BTBD9: variants seen among roughly 807,000 people sequenced by gnomAD.
BTBD9 encodes the protein BTB domain containing 9, also known as BTB/POZ domain-containing protein 9.
Under a neutral mutation model 64.3 loss-of-function variants are expected in BTBD9, and 49 were observed. The observed-to-expected ratio is 0.76, with a 90% CI of 0.61 to 0.97. The LOEUF (loss-of-function observed/expected upper bound fraction) is 0.97. Among genes scored for constraint, BTBD9 ranks in the 50% least tolerant of loss-of-function variants. BTBD9 has a pLI of 0.00. For missense variants in BTBD9, 598 were observed against 762.1 expected (o/e 0.78, Z 2.53); for synonymous variants, 260 against 274.7 (o/e 0.95, Z 0.53).
At chr6:38,504,026 C>T (rs919726099) in intron 6 of BTBD9, among the ~76,000 whole-genome samples, 2 of 152,180 alleles carry the variant, frequency 1.3e-5, no homozygotes, top group Non-Finnish European at 2.9e-5. Flanking sequence ...GTCTCACAAC[C>T]CCTTTCTGCC....
At chr6:38,415,042 T>TC (rs1372346777) in intron 6 of BTBD9, among the ~76,000 whole-genome samples, 1 of 152,168 alleles carries the variant, frequency 6.6e-6, no homozygotes, top group Non-Finnish European at 1.5e-5. Context: ...ATCTCAATGT[T>TC]CCCACTCTAA....
At chr6:38,446,390 C>T (rs1769279648) in intron 6 of BTBD9, among the ~76,000 whole-genome samples, 1 of 151,804 alleles carries the variant, frequency 6.6e-6, no homozygotes, top group South Asian at 2.1e-4. Context: ...AGAGAGGGGT[C>T]CCGGAGAAAT....
chr6:38,500,734 G>A (rs984539227), intron 6 of BTBD9, among the ~76,000 whole-genome samples: 5 of 152,112 alleles, frequency 3.3e-5, no homozygotes, highest in Non-Finnish European at 5.9e-5. Context: ...TATGATACCT[G>A]GCCATCTTAA....
intron 6 of BTBD9, among the ~76,000 whole-genome samples, chr6:38,468,857 AG>A (rs1184289957): frequency 1.3e-5 from 2 of 152,158 alleles, no homozygotes; most frequent in African/African-American, 4.8e-5. Context: ...CCCTCCTCAA[AG>A]GTTGCTTTAC....
chr6:38,327,847 G>C (rs912256912), intron 7 of BTBD9, among the ~76,000 whole-genome samples: 1 of 152,082 alleles, frequency 6.6e-6, no homozygotes, highest in African/African-American at 2.4e-5. Context: ...TCAACTCTTG[G>C]TTTATTCAGT....
At chr6:38,413,862 C>G (rs1250788194) in intron 6 of BTBD9, among the ~76,000 whole-genome samples, 1 of 152,000 alleles carries the variant, frequency 6.6e-6, no homozygotes, top group Non-Finnish European at 1.5e-5. Flanking sequence ...GTTTCCCAAC[C>G]ATAAAATGAG....
intron 8 of BTBD9, among the ~76,000 whole-genome samples, chr6:38,273,567 C>T (rs1317049661): frequency 1.3e-5 from 2 of 152,082 alleles, no homozygotes; most frequent in East Asian, 1.9e-4. Context: ...TAATATCATG[C>T]ACCACAGTTG....
At chr6:38,362,728 G>A (rs1765012770) in intron 6 of BTBD9, among the ~76,000 whole-genome samples, 1 of 152,294 alleles carries the variant, frequency 6.6e-6, no homozygotes, top group East Asian at 1.9e-4. Context: ...AGGATTTGAT[G>A]AGTATAGCAG....
intron 1 of BTBD9, among the ~76,000 whole-genome samples, chr6:38,629,399 T>C (rs181505995): frequency 2.6e-5 from 4 of 152,324 alleles, no homozygotes; most frequent in African/African-American, 4.8e-5. Context: ...TCACCAATAA[T>C]AGAACAAATC....
intron 9 of BTBD9, among the ~76,000 whole-genome samples, chr6:38,249,687 A>T (rs1313920720): frequency 6.6e-6 from 1 of 151,624 alleles, no homozygotes; most frequent in Admixed American, 6.6e-5. Context: ...TCTTTGTAGC[A>T]GTCAACACAA....
chr6:38,461,564 TTGA>T (rs1361017772), intron 6 of BTBD9, among the ~76,000 whole-genome samples: 1 of 152,212 alleles, frequency 6.6e-6, no homozygotes, highest in African/African-American at 2.4e-5. Flanking sequence ...GTTTTATCTG[TTGA>T]TGAACATTTT....
intron 10 of BTBD9, among the ~76,000 whole-genome samples, chr6:38,177,346 C>G (rs1024721632): frequency 6.6e-6 from 1 of 152,208 alleles, no homozygotes; most frequent in South Asian, 2.1e-4. Context: ...GCTCTTCCCC[C>G]ACCGGCCCCG....
chr6:38,233,180 T>C (rs1763671149), intron 9 of BTBD9, among the ~76,000 whole-genome samples: 2 of 152,218 alleles, frequency 1.3e-5, no homozygotes, highest in Admixed American at 6.5e-5. Flanking sequence ...AAAATCTGTG[T>C]TGTAATTCAA....
intron 6 of BTBD9, among the ~76,000 whole-genome samples, chr6:38,546,100 G>C (rs1051727954): frequency 1.3e-5 from 2 of 152,084 alleles, no homozygotes; most frequent in African/African-American, 4.8e-5. Flanking sequence ...GATTAGATGT[G>C]GTACATGAGA....
chr6:38,282,241 T>C (rs1250637183), intron 8 of BTBD9, among the ~76,000 whole-genome samples: 3 of 152,198 alleles, frequency 2.0e-5, no homozygotes, highest in African/African-American at 7.2e-5. Flanking sequence ...ACTATTCAAT[T>C]ATCCACTTTT....
intron 9 of BTBD9, among the ~76,000 whole-genome samples, chr6:38,252,485 G>A (rs1028269642): frequency 2.6e-5 from 4 of 151,994 alleles, no homozygotes; most frequent in Admixed American, 2.6e-4. Flanking sequence ...CATAACCTCT[G>A]GTTCCATTGA....
intron 9 of BTBD9, among the ~76,000 whole-genome samples, chr6:38,240,505 A>G (rs1183671660): frequency 2.0e-5 from 3 of 152,262 alleles, no homozygotes; most frequent in Non-Finnish European, 4.4e-5. Flanking sequence ...TGGCAGGGAA[A>G]TGATTCAATA....
chr6:38,326,066 TA>T (rs1005836449), intron 7 of BTBD9, among the ~76,000 whole-genome samples: 2 of 151,256 alleles, frequency 1.3e-5, no homozygotes, highest in Admixed American at 6.6e-5. Flanking sequence ...AGACTAGGGG[TA>T]GGGGGGGTCA....
intron 6 of BTBD9, chr6:38,504,536 TCTC>T (rs1378875210): frequency 6.6e-6 from 3 of 456,692 alleles, no homozygotes; most frequent in Non-Finnish European, 1.3e-5. Context: ...AGATCCCTCT[TCTC>T]CTGTATCATA....
Sources: allele counts gnomAD v4.1 joint callset (sites outside exome capture counted in the v4.1 genomes callset), GRCh38; gene constraint gnomAD v4.1.1; transcripts MANE v1.5; gene names NCBI Gene and HGNC (gene_info 2026-07-23, HGNC 2026-07-21).